RFX3: variants seen among roughly 807,000 people sequenced by gnomAD.
RFX3 encodes the protein regulatory factor X3.
RFX3 carries 14 observed loss-of-function variants against 98.6 expected under a neutral mutation model. The observed-to-expected ratio is 0.14, with a 90% CI of 0.09 to 0.22. The LOEUF is 0.22. Ranked by LOEUF, RFX3 falls within the 10% of genes least tolerant of loss-of-function variation. The pLI is 1.00. For missense variants in RFX3, 639 were observed against 926.9 expected, an observed-to-expected ratio of 0.69 and a Z score of 4.03; for synonymous variants, 383 against 328.4, an observed-to-expected ratio of 1.17 and a Z score of -1.80.
At chr9:3,264,294 A>G (rs1823324168) in intron 12 of RFX3, among the ~76,000 whole-genome samples, 1 of 152,168 alleles carries the variant, frequency 6.6e-6, no homozygotes, top group Non-Finnish European at 1.5e-5. Flanking sequence ...ATCTTTTAAA[A>G]ATATATTTTA....
chr9:3,515,606 T>A (rs1357602101), intron 1 of RFX3, among the ~76,000 whole-genome samples: 4 of 152,178 alleles, frequency 2.6e-5, no homozygotes, highest in African/African-American at 4.8e-5. Context: ...TATCTGCTTT[T>A]CCTGCCCTTC....
intron 4 of RFX3, among the ~76,000 whole-genome samples, chr9:3,318,431 T>G (rs1471781171): frequency 6.6e-6 from 1 of 151,630 alleles, no homozygotes; most frequent in Admixed American, 6.6e-5. Context: ...AAATGACGAG[T>G]TAACGGGTGC....
chr9:3,337,754 G>A (rs1050612454), intron 3 of RFX3, among the ~76,000 whole-genome samples: 3 of 152,110 alleles, frequency 2.0e-5, no homozygotes, highest in Non-Finnish European at 2.9e-5. Flanking sequence ...CAGACTTCCT[G>A]GAAATTCTGT....
At chr9:3,356,282 T>A (rs1039277088) in intron 2 of RFX3, among the ~76,000 whole-genome samples, 6 of 151,098 alleles carry the variant, frequency 4.0e-5, no homozygotes, top group African/African-American at 1.5e-4. Context: ...GGTAGACTTA[T>A]CAAAGAGAAA....
chr9:3,228,718 C>G, intron 16 of RFX3, 129 bp downstream of exon 16: 1 of 652,876 alleles, frequency 1.5e-6, no homozygotes, highest in East Asian at 3.0e-5. Context: ...ACAGGAGTTT[C>G]CTATTTATCT....
rs751543577 is a variant in RFX3, at chr9:3,293,074, A to C, written c.731+3T>G. The C allele has an allele frequency of 6.2e-7, 1 of 1,606,280 alleles. No homozygotes were observed. The highest frequency in any genetic ancestry group is 8.5e-7 in the Non-Finnish European group (1 of 1,175,686). On this transcript the variant is annotated splice_donor_region_variant and intron_variant, in intron 6 of 16. Transcript: ENST00000617270. ...GTTTATGATCTTATTTTTCAATACTAACCTAGTGCCCAATCTCCTGGTTCG... is the reference window on the plus strand; with the variant it reads ...GTTTATGATCTTATTTTTCAATACTCACCTAGTGCCCAATCTCCTGGTTCG...
intron 7 of RFX3, among the ~76,000 whole-genome samples, chr9:3,287,008 T>C (rs1437195940): frequency 1.3e-5 from 2 of 151,960 alleles, no homozygotes; most frequent in African/African-American, 4.8e-5. Context: ...TTGATCAAAG[T>C]TTTATTTTAG....
At chr9:3,416,138 A>G (rs1278255388) in intron 1 of RFX3, among the ~76,000 whole-genome samples, 1 of 152,200 alleles carries the variant, frequency 6.6e-6, no homozygotes, top group Non-Finnish European at 1.5e-5. Flanking sequence ...TTTACATGAC[A>G]AGTATATTTG....
intron 14 of RFX3, among the ~76,000 whole-genome samples, chr9:3,252,489 G>C (rs1266640213): frequency 2.0e-5 from 3 of 152,164 alleles, no homozygotes; most frequent in African/African-American, 7.2e-5. Flanking sequence ...AAACTGGATT[G>C]AAGTGAGGAA....
At chr9:3,428,796 A>G (rs1429199025) in intron 1 of RFX3, among the ~76,000 whole-genome samples, 1 of 152,190 alleles carries the variant, frequency 6.6e-6, no homozygotes, top group Non-Finnish European at 1.5e-5. Context: ...AATTTAAAAC[A>G]TTTACATGAA....
chr9:3,262,942 T>C lies in RFX3; in HGVS notation c.1598A>G (p.Asn533Ser). Residue 533 changes from asparagine (N) to serine (S), a missense_variant, in exon 13 of 17, where the codon AAT (asparagine) becomes AGT (serine). Around this residue, in one of 9 missense-constraint regions of RFX3, gnomAD observed 138 missense variants for 308.9 expected, o/e 0.45. Coordinates refer to ENST00000617270, the MANE Select transcript of RFX3 (RefSeq NM_001282116.2). ...LSDLNRVDFANVQEQASWVCQ... is the reference protein window; with the variant it reads ...LSDLNRVDFASVQEQASWVCQ... ...TGCAAGGAAATAGAATACCTGGACATTGGCAAAGTCGACACGGTTGAGGTC... is the reference window on the plus strand; with the variant it reads ...TGCAAGGAAATAGAATACCTGGACACTGGCAAAGTCGACACGGTTGAGGTC... 1 of 1,613,422 alleles carries C rather than the reference T, an allele frequency of 6.2e-7. No homozygotes were observed. The highest frequency in any genetic ancestry group is 8.5e-7 in the Non-Finnish European group (1 of 1,179,566).
chr9:3,377,044 C>T (rs1838619852), intron 2 of RFX3, among the ~76,000 whole-genome samples: 1 of 152,196 alleles, frequency 6.6e-6, no homozygotes, highest in Non-Finnish European at 1.5e-5. Context: ...GGCGATTCCT[C>T]AGGGATCTAG....
chr9:3,461,668 A>C (rs1847698541), intron 1 of RFX3, among the ~76,000 whole-genome samples: 1 of 151,984 alleles, frequency 6.6e-6, no homozygotes, highest in African/African-American at 2.4e-5. Flanking sequence ...GAGAATGTAC[A>C]AGAGACTTCA....
chr9:3,305,291 C>T (rs1378134783), intron 4 of RFX3, among the ~76,000 whole-genome samples: 1 of 151,894 alleles, frequency 6.6e-6, no homozygotes, highest in Non-Finnish European at 1.5e-5. Context: ...AGGGAAAAAG[C>T]AATGTCATTA....
At chr9:3,504,182 CATATTAT>C (rs924279326) in intron 1 of RFX3, among the ~76,000 whole-genome samples, 11 of 85,278 alleles carry the variant, frequency 1.3e-4, no homozygotes, top group South Asian at 3.4e-4. Context: ...ATATATTATA[CATATTAT>C]ATATTATATA....
At position 3,368,114 on chromosome 9, in the gene RFX3, C is replaced by T. The variant is rs142761036; in HGVS notation, c.118-21350G>A. Among the ~76,000 whole-genome samples, 1,521 of 152,236 alleles carry T rather than the reference C, an allele frequency of 1.0e-2. 32 individuals are homozygous for T. The highest frequency in any genetic ancestry group is 0.034 in the African/African-American group (1,425 of 41,548). On this transcript the variant is annotated intron_variant, in intron 2 of 16. Transcript: ENST00000617270. ...AATTGTTCCACTGTTGATCTTCTGCCTCTAAGTGAAAATGCAATTTATTGC... is the reference window on the plus strand; with the variant it reads ...AATTGTTCCACTGTTGATCTTCTGCTTCTAAGTGAAAATGCAATTTATTGC...
chr9:3,248,749 T>C (rs1159154436), intron 14 of RFX3, among the ~76,000 whole-genome samples: 1 of 152,196 alleles, frequency 6.6e-6, no homozygotes, highest in Non-Finnish European at 1.5e-5. Flanking sequence ...ACGTATTAAG[T>C]GTTTCCAGTT....
chr9:3,379,367 G>C (rs1838920106), intron 2 of RFX3, among the ~76,000 whole-genome samples: 1 of 151,988 alleles, frequency 6.6e-6, no homozygotes. Flanking sequence ...CAAACATAAA[G>C]CAAGGTATAA....
intron 15 of RFX3, among the ~76,000 whole-genome samples, chr9:3,238,085 T>C (rs543076574): frequency 4.6e-5 from 7 of 152,334 alleles, no homozygotes; most frequent in South Asian, 4.1e-4. Flanking sequence ...TTGTTCGTGT[T>C]TGCAGAGGGA....
Sources: allele counts gnomAD v4.1 joint callset (sites outside exome capture counted in the v4.1 genomes callset), GRCh38; gene constraint gnomAD v4.1.1; regional missense constraint gnomAD v4.1.1; transcripts MANE v1.5; gene names NCBI Gene and HGNC (gene_info 2026-07-23, HGNC 2026-07-21).